Variants in DLGAP2 observed in about 807,000 individuals in gnomAD.
DLGAP2 encodes DLG associated protein 2, also known as disks large-associated protein 2.
Under a neutral mutation model 100.3 loss-of-function variants are expected in DLGAP2, and 26 were observed. That is an observed-to-expected ratio of 0.26 (90% CI 0.19 to 0.36). DLGAP2 has a LOEUF of 0.36. DLGAP2 is among the 10% of genes least tolerant of loss of function. The pLI is 1.00. For missense variants in DLGAP2, 1,858 were observed against 1,453.2 expected (o/e 1.28, Z -4.53); for synonymous variants, 886 against 630.1 (o/e 1.41, Z -6.08).
intron 1 of DLGAP2, among the ~76,000 whole-genome samples, chr8:891,809 C>A (rs1051626406): frequency 6.6e-6 from 1 of 152,192 alleles, no homozygotes; most frequent in Non-Finnish European, 1.5e-5. Context: ...GAGATTCTCA[C>A]TGCCTGGGGA....
chr8:1,447,086 C>A lies in DLGAP2; in HGVS notation c.107-54280C>A, dbSNP rs1193105916. ...TTTCCTAATTGAATACCCTTTATTTCCTTCTCCTGCCTAATTGCCCTGGCC... is the reference window on the plus strand; with the variant it reads ...TTTCCTAATTGAATACCCTTTATTTACTTCTCCTGCCTAATTGCCCTGGCC... On this transcript the variant is annotated intron_variant, in intron 3 of 14. Transcript: ENST00000637795. Among the ~76,000 whole-genome samples the A allele has an allele frequency of 2.0e-5, 3 of 152,320 alleles. No individual in the cohort carries two copies. In the East Asian group the frequency reaches 5.8e-4, roughly 29 times the overall value.
chr8:833,245 C>T (rs1052344007), intron 1 of DLGAP2, among the ~76,000 whole-genome samples: 2 of 152,196 alleles, frequency 1.3e-5, no homozygotes, highest in Non-Finnish European at 2.9e-5. Flanking sequence ...GTCAGCACTC[C>T]AGTACCCATT....
At chr8:923,432 G>A (rs532603957) in intron 2 of DLGAP2, among the ~76,000 whole-genome samples, 6 of 152,218 alleles carry the variant, frequency 3.9e-5, no homozygotes, top group Non-Finnish European at 7.3e-5. Flanking sequence ...TGCTGATGCC[G>A]CTCTGACCCT....
chr8:1,293,326 G>C (rs1477926144), intron 3 of DLGAP2, among the ~76,000 whole-genome samples: 1 of 152,140 alleles, frequency 6.6e-6, no homozygotes, highest in Admixed American at 6.5e-5. Flanking sequence ...TGGGCTCCCG[G>C]ACGGCTGAGC....
chr8:1,429,753 C>T (rs1797355752), intron 3 of DLGAP2, among the ~76,000 whole-genome samples: 1 of 151,254 alleles, frequency 6.6e-6, no homozygotes, highest in Admixed American at 6.6e-5. Flanking sequence ...CCAGTGCTTT[C>T]CATTTACACA....
chr8:1,055,745 G>A (rs933474039), intron 2 of DLGAP2, among the ~76,000 whole-genome samples: 2 of 152,192 alleles, frequency 1.3e-5, no homozygotes, highest in Admixed American at 6.5e-5. Flanking sequence ...AGCCAGCACC[G>A]TTGCCATGCT....
At chr8:926,030 G>A (rs1798807083) in intron 2 of DLGAP2, among the ~76,000 whole-genome samples, 1 of 152,196 alleles carries the variant, frequency 6.6e-6, no homozygotes, top group African/African-American at 2.4e-5. Context: ...CCGCTCGGGG[G>A]CACAGAGCAG....
intron 10 of DLGAP2, among the ~76,000 whole-genome samples, chr8:1,670,814 G>A (rs1798672596): frequency 6.6e-6 from 1 of 152,226 alleles, no homozygotes; most frequent in African/African-American, 2.4e-5. Flanking sequence ...TCCAGTGTCA[G>A]GATAAGGAAA....
Position 1,310,470 on chromosome 8 carries a change from C to A in DLGAP2, c.106+51587C>A, listed in dbSNP as rs891901631. On this transcript the variant is annotated intron_variant, in intron 3 of 14. Coordinates refer to ENST00000637795, the MANE Select transcript of DLGAP2 (RefSeq NM_001346810.2). ...TTCAATAGTAAGCAGGACGTCTACA[C>A]AGAAGATTAATAAACATGGGGTTTG... 2.0e-5 allele frequency among the ~76,000 whole-genome samples: 3 copies of A among 152,294 alleles called. No homozygotes were observed. In the East Asian group the frequency reaches 5.8e-4, roughly 29 times the overall value.
chr8:897,309 C>T (rs1029983725), intron 1 of DLGAP2, among the ~76,000 whole-genome samples: 2 of 152,166 alleles, frequency 1.3e-5, no homozygotes, highest in African/African-American at 4.8e-5. Context: ...TCTGGGTTTG[C>T]TGGATGCATG....
At chr8:811,268 C>T (rs1796365056) in intron 1 of DLGAP2, among the ~76,000 whole-genome samples, 1 of 152,260 alleles carries the variant, frequency 6.6e-6, no homozygotes, top group South Asian at 2.1e-4. Flanking sequence ...GTGGATTGCT[C>T]CCCTTCCTGG....
intron 2 of DLGAP2, among the ~76,000 whole-genome samples, chr8:1,082,124 G>A (rs1384605564): frequency 6.6e-6 from 1 of 152,156 alleles, no homozygotes; most frequent in African/African-American, 2.4e-5. Context: ...TTGAGGCTGT[G>A]TGCAGTTTAC....
intron 3 of DLGAP2, among the ~76,000 whole-genome samples, chr8:1,326,486 G>T (rs1214200878): frequency 1.3e-5 from 2 of 152,064 alleles, no homozygotes; most frequent in African/African-American, 4.8e-5. Flanking sequence ...CTCGGTCTCG[G>T]TCCGGGCCTG....
chr8:1,553,060 C>T (rs373609771), intron 5 of DLGAP2, among the ~76,000 whole-genome samples: 14 of 152,290 alleles, frequency 9.2e-5, no homozygotes, highest in Middle Eastern at 3.4e-3. Flanking sequence ...CTCCCAGGGA[C>T]GTGCAGGGAG....
chr8:1,336,317 G>A (rs920935329), intron 3 of DLGAP2, among the ~76,000 whole-genome samples: 1 of 152,252 alleles, frequency 6.6e-6, no homozygotes, highest in Non-Finnish European at 1.5e-5. Context: ...GGGAAGAAAG[G>A]GTGGAAGTGA....
intron 3 of DLGAP2, chr8:1,295,982 T>C (rs1051588840): frequency 6.6e-6 from 1 of 152,126 alleles, no homozygotes; most frequent in Non-Finnish European, 1.5e-5. Context: ...TGCGGAGGAG[T>C]GCAACTCGGA....
chr8:1,227,513 T>TGATGG (rs1798447012), intron 2 of DLGAP2, among the ~76,000 whole-genome samples: 1 of 151,604 alleles, frequency 6.6e-6, no homozygotes. Context: ...TTTTTTTTTT[T>TGATGG]GATGGAGTTC....
chr8:1,625,416 C>T (rs1797466235), intron 6 of DLGAP2, among the ~76,000 whole-genome samples: 1 of 152,156 alleles, frequency 6.6e-6, no homozygotes. Flanking sequence ...ATGCTTTTAA[C>T]ATTTCACAAA....
At chr8:1,539,128 C>T (rs1009408882) in intron 4 of DLGAP2, among the ~76,000 whole-genome samples, 1 of 152,112 alleles carries the variant, frequency 6.6e-6, no homozygotes, top group Non-Finnish European at 1.5e-5. Flanking sequence ...TCAAGTGATC[C>T]ACCTGCCTCA....
Sources: gnomAD v4.1 joint callset for allele counts (sites outside exome capture counted in the v4.1 genomes callset) on GRCh38, gnomAD v4.1.1 for gene constraint, MANE v1.5 for transcripts, NCBI Gene and HGNC (gene_info 2026-07-23, HGNC 2026-07-21) for gene names.